IQGAP2: variants seen among roughly 807,000 people sequenced by gnomAD.
The protein encoded by IQGAP2 is ras GTPase-activating-like protein IQGAP2.
A neutral mutation model predicts 201.3 loss-of-function variants in IQGAP2; 173 were observed. The observed-to-expected ratio is 0.86, with a 90% CI of 0.76 to 0.98. IQGAP2 has a LOEUF of 0.98. Among genes scored for constraint, IQGAP2 ranks in the 50% least tolerant of loss-of-function variants. The pLI, the probability that IQGAP2 is intolerant of heterozygous loss-of-function variation, is 0.00. For synonymous variants in IQGAP2, 675 were observed against 673.9 expected (o/e 1.00, Z -0.03); for missense variants, 1,687 against 1,864.8 (o/e 0.90, Z 1.76).
intron 2 of IQGAP2, among the ~76,000 whole-genome samples, chr5:76,555,215 AATG>A (rs1182903659): frequency 1.3e-5 from 2 of 152,172 alleles, no homozygotes; most frequent in Non-Finnish European, 2.9e-5. Flanking sequence ...TAAAATTGAT[AATG>A]ATGATGGTCT....
intron 23 of IQGAP2, among the ~76,000 whole-genome samples, chr5:76,669,980 G>A (rs1488919536): frequency 2.6e-5 from 4 of 151,942 alleles, no homozygotes; most frequent in Admixed American, 1.3e-4. Context: ...CCGCCACCAC[G>A]CCTGGCTAAT....
At chr5:76,657,648 C>G (rs1742872289) in intron 20 of IQGAP2, among the ~76,000 whole-genome samples, 1 of 152,166 alleles carries the variant, frequency 6.6e-6, no homozygotes, top group African/African-American at 2.4e-5. Flanking sequence ...CTCAATGGAC[C>G]AGACAATTTA....
intron 14 of IQGAP2, chr5:76,628,727 G>C (rs985141771): frequency 4.4e-6 from 2 of 456,018 alleles, no homozygotes; most frequent in African/African-American, 2.0e-5. Flanking sequence ...AAACATCTGG[G>C]CTTTATCTCC....
At chr5:76,681,454 A>G (rs1745285311) in intron 28 of IQGAP2, among the ~76,000 whole-genome samples, 1 of 152,124 alleles carries the variant, frequency 6.6e-6, no homozygotes, top group Non-Finnish European at 1.5e-5. Context: ...GGTCAGCATC[A>G]CTAATAATTA....
chr5:76,435,662 A>G lies in IQGAP2; in HGVS notation c.47-25908A>G, dbSNP rs527352731. The stretch of plus-strand genomic sequence containing the variant: ...CTTTTTGCTTAGGATTGCTTTGACT[A>G]TTCAGGCTGTTTTTTGGTTCCATAT... On this transcript the variant is annotated intron_variant, in intron 1 of 35. Coordinates refer to ENST00000274364, the MANE Select transcript of IQGAP2 (RefSeq NM_006633.5). Among the ~76,000 whole-genome samples the G allele has an allele frequency of 3.9e-5, 6 of 152,260 alleles. No individual in the cohort carries two copies. In the East Asian group the frequency reaches 1.2e-3, roughly 29 times the overall value.
chr5:76,583,046 T>G (rs1415816276), intron 5 of IQGAP2, among the ~76,000 whole-genome samples: 2 of 152,150 alleles, frequency 1.3e-5, no homozygotes, highest in Non-Finnish European at 2.9e-5. Flanking sequence ...GAAGCAAAGG[T>G]GACATTAATT....
At chr5:76,409,062 G>A (rs1750956902) in intron 1 of IQGAP2, among the ~76,000 whole-genome samples, 1 of 151,894 alleles carries the variant, frequency 6.6e-6, no homozygotes, top group Non-Finnish European at 1.5e-5. Flanking sequence ...CAAAGTGCTA[G>A]GATTACAGGT....
intron 7 of IQGAP2, among the ~76,000 whole-genome samples, chr5:76,590,092 A>G (rs982707051): frequency 2.6e-5 from 4 of 152,186 alleles, no homozygotes; most frequent in Non-Finnish European, 4.4e-5. Flanking sequence ...AAAATTACCC[A>G]TGTCGCCCTG....
chr5:76,512,135 G>T (rs996366088), intron 2 of IQGAP2, among the ~76,000 whole-genome samples: 1 of 152,100 alleles, frequency 6.6e-6, no homozygotes, highest in Non-Finnish European at 1.5e-5. Context: ...GAGAGATAGG[G>T]GTGTGTCAGA....
At position 76,542,316 on chromosome 5, in the gene IQGAP2, C is replaced by G. The variant is rs148247934; in HGVS notation, c.147-20080C>G. Among the ~76,000 whole-genome samples the G allele has an allele frequency of 4.7e-3, 712 of 152,332 alleles. 3 individuals are homozygous for G. The highest frequency in any genetic ancestry group is 6.8e-3 in the Middle Eastern group (2 of 294). On this transcript the variant is annotated intron_variant, in intron 2 of 35. Transcript: ENST00000274364. ...AAAAACAGAAGAACTCATAAAAAAT[C>G]TGAATCTTCCACTTTTCAAGAAATC... is the stretch of plus-strand genomic sequence containing the variant.
chr5:76,509,574 T>C (rs1353290290), intron 2 of IQGAP2, among the ~76,000 whole-genome samples: 1 of 152,094 alleles, frequency 6.6e-6, no homozygotes, highest in African/African-American at 2.4e-5. Context: ...TTTTGTATTT[T>C]TAGTAGAGAT....
At chr5:76,554,346 C>T (rs942499536) in intron 2 of IQGAP2, among the ~76,000 whole-genome samples, 3 of 152,044 alleles carry the variant, frequency 2.0e-5, no homozygotes, top group Admixed American at 1.3e-4. Flanking sequence ...AACATTTTTG[C>T]TTCAGATAAC....
At chr5:76,460,887 T>C (rs1754409512) in intron 1 of IQGAP2, among the ~76,000 whole-genome samples, 1 of 137,166 alleles carries the variant, frequency 7.3e-6, no homozygotes, top group African/African-American at 2.8e-5. Context: ...TTTTTTTCCC[T>C]GAGACTGAGT....
At chr5:76,586,223 A>G (rs1016169716) in intron 5 of IQGAP2, among the ~76,000 whole-genome samples, 6 of 152,206 alleles carry the variant, frequency 3.9e-5, no homozygotes, top group Middle Eastern at 3.2e-3. Flanking sequence ...GTTTGGGATT[A>G]TGAATACATA....
chr5:76,586,634 A>G (rs969248008), intron 5 of IQGAP2, among the ~76,000 whole-genome samples: 1 of 152,246 alleles, frequency 6.6e-6, no homozygotes, highest in Non-Finnish European at 1.5e-5. Context: ...AGAAAATGGC[A>G]TTCAGATGTA....
chr5:76,621,090 A>G (rs1749619187), intron 13 of IQGAP2, among the ~76,000 whole-genome samples: 1 of 152,202 alleles, frequency 6.6e-6, no homozygotes, highest in South Asian at 2.1e-4. Context: ...CTGCGCCATT[A>G]TGTCTTGTCC....
intron 28 of IQGAP2, among the ~76,000 whole-genome samples, chr5:76,682,420 G>A (rs1160665927): frequency 1.3e-5 from 2 of 151,322 alleles, no homozygotes; most frequent in Non-Finnish European, 2.9e-5. Context: ...CTGTTCATGT[G>A]TAAGGTTGTA....
At chr5:76,589,437 C>T (rs1746487143) in intron 6 of IQGAP2, among the ~76,000 whole-genome samples, 178 bp from the exon 7 acceptor site, 2 of 151,684 alleles carry the variant, frequency 1.3e-5, no homozygotes, top group African/African-American at 4.8e-5. Flanking sequence ...TGACTGAGTT[C>T]TCCTTCTCCA....
chr5:76,496,721 TTTCTTTTCTTTCTTTCTTTCTTTC>T lies in IQGAP2; in HGVS notation c.146+35055_146+35078del, dbSNP rs1561416066. Among the ~76,000 whole-genome samples, 22 of 19,604 alleles carry T rather than the reference TTTCTTTTCTTTCTTTCTTTCTTTC, an allele frequency of 1.1e-3. 2 individuals are homozygous for T. The highest frequency in any genetic ancestry group is 4.3e-3 in the African/African-American group (22 of 5,114). The allele number at this position is 19,604 out of a possible 152,430, so 12.9% of individuals were successfully genotyped here. ...TTCTGTCTCTTTCTTTCTTTCTTTC[TTTCTTTTCTTTCTTTCTTTCTTTC>T]TTTCTTTCTTTCTTTCTTTCTTTCT... On this transcript the variant is annotated intron_variant, in intron 2 of 35. Coordinates refer to ENST00000274364, the MANE Select transcript of IQGAP2 (RefSeq NM_006633.5).
Sources: allele counts gnomAD v4.1 joint callset (sites outside exome capture counted in the v4.1 genomes callset), GRCh38; gene constraint gnomAD v4.1.1; transcripts MANE v1.5; gene names NCBI Gene and HGNC (gene_info 2026-07-23, HGNC 2026-07-21).